Variants in NOL4 observed in about 807,000 individuals in gnomAD.
NOL4 encodes nucleolar protein 4, also known as cancer/testis antigen 125.
NOL4 carries 17 observed loss-of-function variants against 75.9 expected under a neutral mutation model. The ratio of observed to expected loss-of-function variants is 0.22; its 90% CI spans 0.15 to 0.34. NOL4 has a LOEUF of 0.34. NOL4 is among the 10% of genes least tolerant of loss of function. The pLI is 1.00. For missense variants in NOL4, 614 were observed against 793.5 expected, an observed-to-expected ratio of 0.77 and a Z score of 2.72; for synonymous variants, 292 against 289.9, an observed-to-expected ratio of 1.01 and a Z score of -0.07.
Position 34,148,964 on chromosome 18 carries a change from C to A in NOL4, c.265-18944G>T, listed in dbSNP as rs528941980. Reference sequence around the variant, plus strand: ...AAAAATATATACAAACTATTTTTTCCTTGAGAAATGAATTATTTAATATAA... The same window carrying A: ...AAAAATATATACAAACTATTTTTTCATTGAGAAATGAATTATTTAATATAA... On this transcript the variant is annotated intron_variant, in intron 1 of 10. Transcript: ENST00000261592. Among the ~76,000 whole-genome samples, 81 of 151,366 alleles carry A rather than the reference C, an allele frequency of 5.4e-4. 1 individual carries two copies. Among genetic ancestry groups the A allele is most frequent in the African/African-American group, 1.8e-3 (76 of 41,390 alleles).
intron 9 of NOL4, among the ~76,000 whole-genome samples, chr18:33,888,528 C>A (rs2064901238): frequency 6.6e-6 from 1 of 152,190 alleles, no homozygotes. Flanking sequence ...CCTAGGTTTT[C>A]TTCTAGGGTT....
intron 2 of NOL4, among the ~76,000 whole-genome samples, chr18:34,122,860 C>A (rs1384915188): frequency 1.3e-5 from 2 of 152,036 alleles, no homozygotes; most frequent in Non-Finnish European, 2.9e-5. Flanking sequence ...GGAAAACAAA[C>A]CTCTCGATCT....
chr18:34,043,971 T>G (rs1360836281), intron 5 of NOL4, among the ~76,000 whole-genome samples: 1 of 152,024 alleles, frequency 6.6e-6, no homozygotes, highest in Non-Finnish European at 1.5e-5. Flanking sequence ...ATAAAAAGAG[T>G]TCCATCCATA....
At chr18:33,859,878 G>A (rs944279973) in intron 10 of NOL4, among the ~76,000 whole-genome samples, 5 of 151,994 alleles carry the variant, frequency 3.3e-5, no homozygotes, top group African/African-American at 4.8e-5. Flanking sequence ...AGATCATGCC[G>A]CTACACTCCA....
intron 10 of NOL4, among the ~76,000 whole-genome samples, chr18:33,880,415 C>T (rs2064195278): frequency 6.7e-6 from 1 of 149,524 alleles, no homozygotes; most frequent in Non-Finnish European, 1.5e-5. Flanking sequence ...GAACACTATC[C>T]ATGTATTTTT....
chr18:33,866,857 T>C (rs974241606), intron 10 of NOL4, among the ~76,000 whole-genome samples: 7 of 152,162 alleles, frequency 4.6e-5, no homozygotes, highest in Non-Finnish European at 7.4e-5. Flanking sequence ...TGTTTATGTA[T>C]ATATTTACAT....
chr18:33,966,476 C>A (rs1216329540), intron 6 of NOL4, among the ~76,000 whole-genome samples: 1 of 152,022 alleles, frequency 6.6e-6, no homozygotes, highest in African/African-American at 2.4e-5. Context: ...GAAATAAAAG[C>A]CATCAAAATA....
intron 1 of NOL4, among the ~76,000 whole-genome samples, chr18:34,137,036 A>T (rs559050040): frequency 6.6e-6 from 1 of 152,254 alleles, no homozygotes; most frequent in South Asian, 2.1e-4. Context: ...TTCAAAAGAC[A>T]TGTCAAAACA....
At chr18:33,917,581 G>T (rs948059663) in intron 9 of NOL4, among the ~76,000 whole-genome samples, 1 of 151,938 alleles carries the variant, frequency 6.6e-6, no homozygotes, top group African/African-American at 2.4e-5. Flanking sequence ...CTGCAAGCTC[G>T]AATTCCTGGG....
chr18:33,981,054 C>T (rs974238248), intron 6 of NOL4, among the ~76,000 whole-genome samples: 4 of 151,796 alleles, frequency 2.6e-5, no homozygotes, highest in Admixed American at 6.6e-5. Context: ...AATATTGTAA[C>T]AGATACTAAG....
At chr18:33,966,480 CA>C (rs1450724004) in intron 6 of NOL4, among the ~76,000 whole-genome samples, 1 of 152,046 alleles carries the variant, frequency 6.6e-6, no homozygotes, top group Non-Finnish European at 1.5e-5. Flanking sequence ...TAAAAGCCAT[CA>C]AAATAGAAAA....
At chr18:33,886,241 T>C (rs1026101842) in intron 9 of NOL4, among the ~76,000 whole-genome samples, 8 of 151,680 alleles carry the variant, frequency 5.3e-5, no homozygotes, top group African/African-American at 1.9e-4. Flanking sequence ...ATTGAAAGAA[T>C]AAATGGCTGA....
chr18:34,195,646 T>C (rs2035274608), intron 1 of NOL4, among the ~76,000 whole-genome samples: 2 of 152,150 alleles, frequency 1.3e-5, no homozygotes, highest in East Asian at 3.9e-4. Context: ...AAAAAAGCTA[T>C]TTAAATTTAA....
At chr18:34,059,607 T>C (rs1320291709) in intron 5 of NOL4, among the ~76,000 whole-genome samples, 2 of 152,128 alleles carry the variant, frequency 1.3e-5, no homozygotes, top group African/African-American at 2.4e-5. Context: ...CTTCAAATAA[T>C]CTGTGAAACC....
intron 6 of NOL4, among the ~76,000 whole-genome samples, chr18:34,017,215 G>A (rs1301525968): frequency 6.6e-6 from 1 of 152,032 alleles, no homozygotes; most frequent in Non-Finnish European, 1.5e-5. Context: ...AATAAGTATT[G>A]TCTGTACTTG....
chr18:33,868,197 T>G (rs991331743), intron 10 of NOL4, among the ~76,000 whole-genome samples: 14 of 149,662 alleles, frequency 9.4e-5, no homozygotes, highest in Non-Finnish European at 1.6e-4. Flanking sequence ...CTACTACACC[T>G]GGGCACCTGG....
intron 1 of NOL4, among the ~76,000 whole-genome samples, chr18:34,209,803 G>A (rs1009089792): frequency 2.0e-5 from 3 of 152,228 alleles, no homozygotes; most frequent in African/African-American, 7.2e-5. Context: ...AATTAAAAGG[G>A]GTTAAATATT....
intron 1 of NOL4, among the ~76,000 whole-genome samples, chr18:34,142,238 G>A (rs575624230): frequency 1.8e-4 from 28 of 152,336 alleles, no homozygotes; most frequent in African/African-American, 5.1e-4. Context: ...TGGCGGGACT[G>A]TAAACTAGTT....
At chr18:33,904,788 ACTTT>A (rs1315985119) in intron 9 of NOL4, among the ~76,000 whole-genome samples, 1 of 152,138 alleles carries the variant, frequency 6.6e-6, no homozygotes, top group Admixed American at 6.6e-5. Flanking sequence ...AAACTTACTG[ACTTT>A]CTTATTGATG....
Sources: allele counts gnomAD v4.1 joint callset (sites outside exome capture counted in the v4.1 genomes callset), GRCh38; gene constraint gnomAD v4.1.1; transcripts MANE v1.5; gene names NCBI Gene and HGNC (gene_info 2026-07-23, HGNC 2026-07-21).